Variants in PAWR observed in about 807,000 individuals in gnomAD.
PAWR encodes pro-apoptotic WT1 regulator.
PAWR carries 23 observed loss-of-function variants against 32.0 expected under a neutral mutation model. The ratio of observed to expected loss-of-function variants is 0.72; its 90% CI spans 0.52 to 1.02. The LOEUF (loss-of-function observed/expected upper bound fraction) is 1.02, where lower values mean the gene tolerates loss of function less well. PAWR is among the 50% of genes least tolerant of loss of function. The pLI, the probability that PAWR is intolerant of heterozygous loss-of-function variation, is 0.00. For missense variants in PAWR, 457 were observed against 437.7 expected (o/e 1.04, Z -0.39); for synonymous variants, 226 against 187.1 (o/e 1.21, Z -1.70).
At chr12:79,625,678 G>C (rs1875261187) in intron 2 of PAWR, among the ~76,000 whole-genome samples, 1 of 152,038 alleles carries the variant, frequency 6.6e-6, no homozygotes, top group Non-Finnish European at 1.5e-5. Flanking sequence ...AAATTAGCTG[G>C]CCGTGGTGGT....
intron 2 of PAWR, among the ~76,000 whole-genome samples, chr12:79,653,998 C>T (rs1033714922): frequency 6.6e-6 from 1 of 152,164 alleles, no homozygotes; most frequent in Non-Finnish European, 1.5e-5. Context: ...GTTGGAGGTA[C>T]TACTGTGTCT....
intron 2 of PAWR, among the ~76,000 whole-genome samples, chr12:79,627,457 T>C (rs1183275050): frequency 6.6e-6 from 1 of 152,190 alleles, no homozygotes; most frequent in African/African-American, 2.4e-5. Flanking sequence ...TTCTTGTAAA[T>C]TTGTTTGAGT....
rs1873528866 is a variant in PAWR at position 79,590,706 on chromosome 12, C to T, written c.*1901G>A. 1 of 152,148 alleles carries T rather than the reference C, an allele frequency of 6.6e-6. No homozygotes were observed. Among genetic ancestry groups the T allele is most frequent in the African/African-American group, 2.4e-5 (1 of 41,410 alleles). The allele number at this position is 152,148 out of a possible 1,614,324, so 9.4% of individuals were successfully genotyped here. ...ATGTGTGCCACATAACTAAGGGTAA[C>T]TAAAGGAAGATGAGTACCTCACAAC... On this transcript the variant is annotated 3_prime_UTR_variant, in exon 7 of 7. Transcript: ENST00000328827.
intron 2 of PAWR, among the ~76,000 whole-genome samples, chr12:79,665,046 TG>T (rs1301134570): frequency 1.3e-5 from 2 of 152,174 alleles, no homozygotes; most frequent in Non-Finnish European, 2.9e-5. Flanking sequence ...AGGTTTACTA[TG>T]TACCTCCAAT....
intron 4 of PAWR, among the ~76,000 whole-genome samples, chr12:79,597,251 G>C (rs1174666438): frequency 6.6e-6 from 1 of 151,878 alleles, no homozygotes; most frequent in Non-Finnish European, 1.5e-5. Flanking sequence ...TTTTTTCAGA[G>C]ACGGGGTTTC....
intron 3 of PAWR, among the ~76,000 whole-genome samples, chr12:79,617,265 T>C (rs558079958): frequency 6.6e-5 from 10 of 152,156 alleles, no homozygotes; most frequent in Non-Finnish European, 1.3e-4. Flanking sequence ...GACAGGAGAA[T>C]TGCTTTAACA....
At chr12:79,602,865 T>G (rs1036631070) in intron 4 of PAWR, among the ~76,000 whole-genome samples, 5 of 151,162 alleles carry the variant, frequency 3.3e-5, no homozygotes, top group Admixed American at 6.6e-5. Context: ...CAGCATTATG[T>G]ATAGATAATA....
At chr12:79,653,078 T>C (rs1876928340) in intron 2 of PAWR, among the ~76,000 whole-genome samples, 3 of 152,228 alleles carry the variant, frequency 2.0e-5, no homozygotes, top group Admixed American at 2.0e-4. Context: ...AGTCTCGCTG[T>C]TGTTGCCCGG....
At chr12:79,608,260 A>G (rs1273340872) in intron 4 of PAWR, among the ~76,000 whole-genome samples, 1 of 152,196 alleles carries the variant, frequency 6.6e-6, no homozygotes, top group African/African-American at 2.4e-5. Flanking sequence ...CTTTTTGGCA[A>G]CAGGGAACAG....
chr12:79,658,686 T>C (rs892578640), intron 2 of PAWR, among the ~76,000 whole-genome samples: 5 of 151,968 alleles, frequency 3.3e-5, no homozygotes, highest in Admixed American at 3.3e-4. Context: ...AGTTTACAGA[T>C]TCAGTTGGAA....
Position 79,585,223 on chromosome 12 carries a change from A to C in PAWR, c.*7384T>G. ...TCTACAATGTCCAAAAAGAAAGACCAAGATCTTTGCTTAAAAATAGAAATG... is the reference window on the plus strand; with the variant it reads ...TCTACAATGTCCAAAAAGAAAGACCCAGATCTTTGCTTAAAAATAGAAATG... On this transcript the variant is annotated 3_prime_UTR_variant, in exon 7 of 7. Coordinates refer to ENST00000328827, the MANE Select transcript of PAWR (RefSeq NM_002583.4). 2.3e-6 allele frequency: 1 copy of C among 434,166 alleles called. No individual in the cohort carries two copies. Among genetic ancestry groups the C allele is most frequent in the Non-Finnish European group, 4.5e-6 (1 of 220,704 alleles). The allele number at this position is 434,166 out of a possible 1,614,324, so 26.9% of individuals were successfully genotyped here.
intron 4 of PAWR, among the ~76,000 whole-genome samples, chr12:79,605,665 A>C (rs898176683): frequency 2.0e-5 from 3 of 152,242 alleles, no homozygotes; most frequent in Admixed American, 2.0e-4. Context: ...CAAAAAGTGT[A>C]AAGAATCTAA....
At chr12:79,599,112 C>T (rs1289323958) in intron 4 of PAWR, among the ~76,000 whole-genome samples, 1 of 152,204 alleles carries the variant, frequency 6.6e-6, no homozygotes, top group African/African-American at 2.4e-5. Flanking sequence ...AAAAAGCTAA[C>T]TCACATATTT....
intron 4 of PAWR, among the ~76,000 whole-genome samples, chr12:79,597,301 G>A (rs1135722): frequency 6.6e-6 from 1 of 152,198 alleles, no homozygotes; most frequent in Admixed American, 6.5e-5. Flanking sequence ...TTGGGCTCAA[G>A]CGATCCACCC....
rs140511796 is a variant in PAWR, at chr12:79,648,557, G to A, written c.517-27350C>T. 4.0e-3 allele frequency among the ~76,000 whole-genome samples: 609 copies of A among 151,470 alleles called. 10 individuals carry two copies. The highest frequency in any genetic ancestry group is 0.014 in the African/African-American group (577 of 41,204). On this transcript the variant is annotated intron_variant, in intron 2 of 6. Coordinates refer to ENST00000328827, the MANE Select transcript of PAWR (RefSeq NM_002583.4). ...TAATGCTTTGGGAGACCAAGGCGGGGGGATCGCTTGAGCAAAAGAGTTCAA... is the reference window on the plus strand; with the variant it reads ...TAATGCTTTGGGAGACCAAGGCGGGAGGATCGCTTGAGCAAAAGAGTTCAA...
chr12:79,657,299 T>G (rs962832665), intron 2 of PAWR, among the ~76,000 whole-genome samples: 1 of 151,842 alleles, frequency 6.6e-6, no homozygotes, highest in African/African-American at 2.4e-5. Flanking sequence ...GGTAAACTCG[T>G]GGGGGTGATG....
At chr12:79,663,226 G>T (rs987483989) in intron 2 of PAWR, among the ~76,000 whole-genome samples, 2 of 152,158 alleles carry the variant, frequency 1.3e-5, no homozygotes, top group Non-Finnish European at 1.5e-5. Context: ...TTTTGTACAT[G>T]GGATATGGAG....
intron 2 of PAWR, among the ~76,000 whole-genome samples, chr12:79,651,891 A>T (rs1478364575): frequency 1.3e-5 from 2 of 152,232 alleles, no homozygotes; most frequent in African/African-American, 4.8e-5. Flanking sequence ...GAAGTGTTAG[A>T]TACACATAAT....
chr12:79,647,734 T>A (rs2136788521), intron 2 of PAWR, among the ~76,000 whole-genome samples: 1 of 152,298 alleles, frequency 6.6e-6, no homozygotes, highest in East Asian at 1.9e-4. Context: ...GCACCAGTTC[T>A]GGGGAAGGGA....
Sources: gnomAD v4.1 joint callset for allele counts (sites outside exome capture counted in the v4.1 genomes callset) on GRCh38, gnomAD v4.1.1 for gene constraint, MANE v1.5 for transcripts, NCBI Gene and HGNC (gene_info 2026-07-23, HGNC 2026-07-21) for gene names.